The following FOCAD variants were observed in gnomAD, a reference collection of about 807,000 sequenced individuals.
FOCAD encodes the protein KIAA1797.
In FOCAD, 198 loss-of-function variants were observed where a neutral mutation model predicts 225.6. That is an observed-to-expected ratio of 0.88 (90% CI 0.78 to 0.99). The LOEUF (loss-of-function observed/expected upper bound fraction) is 0.99. FOCAD is among the 50% of genes least tolerant of loss of function. The probability of loss-of-function intolerance (pLI) is 0.00; values close to 1 mark genes in which losing one functional copy is unlikely to be tolerated. For missense variants in FOCAD, 2,713 were observed against 2,123.6 expected (o/e 1.28, Z -5.46); for synonymous variants, 897 against 755.0 (o/e 1.19, Z -3.08).
intron 21 of FOCAD, 50 bp from the exon 22 acceptor site, chr9:20,907,100 C>T: frequency 7.2e-7 from 1 of 1,397,008 alleles, no homozygotes; most frequent in Non-Finnish European, 1.0e-6. Flanking sequence ...TAATTTTATT[C>T]TTTTTTAATA....
chr9:20,769,693 G>T (rs1159424384), intron 7 of FOCAD, among the ~76,000 whole-genome samples: 1 of 152,202 alleles, frequency 6.6e-6, no homozygotes, highest in Non-Finnish European at 1.5e-5. Flanking sequence ...TTCATTTGGA[G>T]AATTCAAAAC....
At chr9:20,656,539 C>A (rs1821481609), upstream of FOCAD, among the ~76,000 whole-genome samples, 1 of 151,964 alleles carries the variant, frequency 6.6e-6, no homozygotes, top group Non-Finnish European at 1.5e-5. Flanking sequence ...TAATGGCCTT[C>A]TTTGTCTCTT....
chr9:20,866,917 T>TTTTAAAAAA lies in FOCAD; in HGVS notation c.2107-12_2107-11insTTTAAAAAA. On this transcript the variant is annotated splice_polypyrimidine_tract_variant and intron_variant, in intron 17 of 43. Transcript: ENST00000338382. ...TTTTTTTTTTTTTTTTTTTTTTTTT[T>TTTTAAAAAA]ACCCTATCTAGGACCCAATTGTAGC... 3 of 764,972 alleles carry TTTTAAAAAA rather than the reference T, an allele frequency of 3.9e-6. No homozygotes were observed. Among genetic ancestry groups the TTTTAAAAAA allele is most frequent in the Non-Finnish European group, 6.0e-6 (3 of 498,468 alleles). The allele number at this position is 764,972 out of a possible 1,614,324, so 47.4% of individuals were successfully genotyped here. A position where few individuals can be genotyped will look rare whatever the true frequency, so the allele number is the denominator to read the frequency against.
chr9:20,897,765 T>C (rs1201498440), intron 21 of FOCAD, among the ~76,000 whole-genome samples: 1 of 151,840 alleles, frequency 6.6e-6, no homozygotes, highest in African/African-American at 2.4e-5. Context: ...AACAAGCTGT[T>C]ATCTGTTAGA....
intron 30 of FOCAD, 85 bp downstream of exon 30, chr9:20,946,905 A>G (rs1333231607): frequency 1.3e-6 from 2 of 1,518,820 alleles, no homozygotes; most frequent in Non-Finnish European, 1.8e-6. Context: ...GAATTAGAGT[A>G]TAATGGGATA....
At chr9:20,817,647 G>A (rs1221044514) in intron 11 of FOCAD, among the ~76,000 whole-genome samples, 2 of 119,636 alleles carry the variant, frequency 1.7e-5, no homozygotes, top group Non-Finnish European at 3.8e-5. Flanking sequence ...TATAACATGA[G>A]GCCTTTTGTG....
chr9:20,831,878 T>A (rs1825529164), intron 15 of FOCAD, among the ~76,000 whole-genome samples: 1 of 152,076 alleles, frequency 6.6e-6, no homozygotes, highest in Non-Finnish European at 1.5e-5. Flanking sequence ...CTCCCTGCTT[T>A]AGGGAACCAG....
chr9:20,759,653 C>G (rs1182946267), intron 6 of FOCAD, among the ~76,000 whole-genome samples: 4 of 152,048 alleles, frequency 2.6e-5, no homozygotes, highest in Non-Finnish European at 5.9e-5. Context: ...TAGGCATGGG[C>G]AAGGACTTCA....
chr9:20,835,888 G>C (rs1188554460), intron 15 of FOCAD, among the ~76,000 whole-genome samples: 1 of 151,998 alleles, frequency 6.6e-6, no homozygotes. Context: ...TTGTATGATT[G>C]AGCAATAGAT....
At chr9:20,708,921 A>G (rs1344511861) in intron 1 of FOCAD, among the ~76,000 whole-genome samples, 1 of 152,134 alleles carries the variant, frequency 6.6e-6, no homozygotes, top group Non-Finnish European at 1.5e-5. Context: ...TCCTCCTCCA[A>G]CTACCTTGTA....
At chr9:20,758,284 T>C (rs922489479) in intron 6 of FOCAD, 93 bp downstream of exon 6, 10 of 781,602 alleles carry the variant, frequency 1.3e-5, no homozygotes, top group Admixed American at 3.2e-5. Flanking sequence ...TGTTTGTTTC[T>C]TTTTAGCTGC....
intron 35 of FOCAD, among the ~76,000 whole-genome samples, chr9:20,954,494 A>G (rs1196240057): frequency 6.6e-6 from 1 of 152,224 alleles, no homozygotes; most frequent in Non-Finnish European, 1.5e-5. Flanking sequence ...TTTCTAGTGA[A>G]TAAAATGTTA....
intron 35 of FOCAD, among the ~76,000 whole-genome samples, chr9:20,959,849 A>G (rs977246792): frequency 1.3e-5 from 2 of 152,220 alleles, no homozygotes; most frequent in African/African-American, 4.8e-5. Flanking sequence ...CTATAGATAT[A>G]TAGATTAATT....
intron 40 of FOCAD, among the ~76,000 whole-genome samples, chr9:20,987,536 A>G (rs1415283852): frequency 6.6e-6 from 1 of 151,992 alleles, no homozygotes; most frequent in African/African-American, 2.4e-5. Flanking sequence ...ATTTTGATTC[A>G]TCATCCCCTG....
intron 41 of FOCAD, 83 bp from the exon 42 acceptor site, chr9:20,990,040 A>T: frequency 6.5e-7 from 1 of 1,538,738 alleles, no homozygotes; most frequent in South Asian, 1.2e-5. Flanking sequence ...ACATTGCCTC[A>T]CGACAGGGGC....
At chr9:20,839,690 T>C (rs1482853351) in intron 15 of FOCAD, among the ~76,000 whole-genome samples, 1 of 152,046 alleles carries the variant, frequency 6.6e-6, no homozygotes, top group East Asian at 1.9e-4. Context: ...TAAGTGTATA[T>C]AGTTAAGGGG....
chr9:20,806,712 A>C (rs930162014), intron 11 of FOCAD, among the ~76,000 whole-genome samples: 6 of 152,204 alleles, frequency 3.9e-5, no homozygotes, highest in Admixed American at 1.3e-4. Context: ...TCTAAATTCA[A>C]GCATTTTCTG....
At chr9:20,730,408 A>G (rs1826591134) in intron 4 of FOCAD, among the ~76,000 whole-genome samples, 1 of 152,180 alleles carries the variant, frequency 6.6e-6, no homozygotes, top group Non-Finnish European at 1.5e-5. Context: ...CTAAATTCCA[A>G]AATAATGATT....
At chr9:20,903,206 C>T (rs987869999) in intron 21 of FOCAD, among the ~76,000 whole-genome samples, 3 of 151,896 alleles carry the variant, frequency 2.0e-5, no homozygotes, top group African/African-American at 7.2e-5. Context: ...AGGCTCCTAG[C>T]CTCATCTTCA....
Sources: gnomAD v4.1 joint callset for allele counts (sites outside exome capture counted in the v4.1 genomes callset) on GRCh38, gnomAD v4.1.1 for gene constraint, MANE v1.5 for transcripts, NCBI Gene and HGNC (gene_info 2026-07-23, HGNC 2026-07-21) for gene names.